KIAA2012: variants seen among roughly 807,000 people sequenced by gnomAD.
KIAA2012 encodes KIAA2012.
KIAA2012 carries 125 observed loss-of-function variants against 150.6 expected under a neutral mutation model. That is an observed-to-expected ratio of 0.83 (90% CI 0.72 to 0.96). KIAA2012 has a LOEUF of 0.96. KIAA2012 is among the 40% of genes least tolerant of loss of function. The pLI, the probability that KIAA2012 is intolerant of heterozygous loss-of-function variation, is 0.00. For synonymous variants in KIAA2012, 462 were observed against 504.7 expected (o/e 0.92, Z 1.13); for missense variants, 1,219 against 1,354.9 (o/e 0.90, Z 1.57).
intron 14 of KIAA2012, among the ~76,000 whole-genome samples, chr2:202,159,092 G>A (rs536404297): frequency 2.7e-3 from 404 of 152,308 alleles, no homozygotes; most frequent in African/African-American, 9.1e-3. Flanking sequence ...CAAGCATTAC[G>A]TATGTGGGCA....
In KIAA2012 at chr2:202,099,524, A is replaced by G. The variant is rs16838816; in HGVS notation, c.829-89A>G. The G allele has an allele frequency of 3.4e-3, 3,736 of 1,091,018 alleles. 11 individuals are homozygous for G. The highest frequency in any genetic ancestry group is 4.4e-3 in the Non-Finnish European group (3,457 of 781,514). 67.6% of individuals were successfully genotyped at this position (1,091,018 alleles called of 1,614,324 possible). A position where few individuals can be genotyped will look rare whatever the true frequency, so the allele number is the denominator to read the frequency against. ...CAAAAGAAATTTCATCCTTGAAACCATAAGCCTAGCCACAAGGGCTGTTAA... is the reference window on the plus strand; with the variant it reads ...CAAAAGAAATTTCATCCTTGAAACCGTAAGCCTAGCCACAAGGGCTGTTAA... On this transcript the variant is annotated intron_variant, in intron 5 of 23. Coordinates refer to ENST00000498697, the MANE Select transcript of KIAA2012 (RefSeq NM_001277372.4).
intron 13 of KIAA2012, among the ~76,000 whole-genome samples, chr2:202,146,371 G>A (rs564443044): frequency 5.3e-5 from 8 of 152,116 alleles, no homozygotes; most frequent in East Asian, 3.9e-4. Context: ...AGTGGCTCAC[G>A]CCTGTAATCC....
At chr2:202,097,652 G>A in intron 5 of KIAA2012, 75 bp downstream of exon 5, 1 of 1,493,162 alleles carries the variant, frequency 6.7e-7, no homozygotes, top group Non-Finnish European at 8.9e-7. Flanking sequence ...TGCAATGGCA[G>A]AATTTTGGCT....
intron 18 of KIAA2012, 87 bp from the exon 19 acceptor site, chr2:202,190,087 C>CAAA: frequency 1.1e-6 from 1 of 897,928 alleles, no homozygotes; most frequent in Non-Finnish European, 1.5e-6. Flanking sequence ...GACCCTGTCT[C>CAAA]AAAAAAAAAA....
At chr2:202,164,053 A>C (rs1395402205) in intron 14 of KIAA2012, among the ~76,000 whole-genome samples, 1 of 152,132 alleles carries the variant, frequency 6.6e-6, no homozygotes, top group Non-Finnish European at 1.5e-5. Context: ...AGCTTTGATA[A>C]CAAAGTGGAA....
chr2:202,145,754 G>A (rs1241582849), intron 13 of KIAA2012, among the ~76,000 whole-genome samples: 5 of 143,646 alleles, frequency 3.5e-5, no homozygotes, highest in Admixed American at 7.3e-5. Context: ...GTACAGTCTC[G>A]GCCCACTGCA....
At chr2:202,080,834 A>G (rs1689436124) in intron 2 of KIAA2012, among the ~76,000 whole-genome samples, 1 of 152,278 alleles carries the variant, frequency 6.6e-6, no homozygotes, top group Admixed American at 6.5e-5. Flanking sequence ...TTTTTATTGT[A>G]GCAAAATATA....
intron 15 of KIAA2012, among the ~76,000 whole-genome samples, chr2:202,178,460 T>C (rs187224496): frequency 6.6e-6 from 1 of 152,090 alleles, no homozygotes; most frequent in Admixed American, 6.6e-5. Flanking sequence ...ATCCCAAAAC[T>C]GGGAAGGTTT....
chr2:202,120,545 G>A (rs1690632952), intron 11 of KIAA2012, among the ~76,000 whole-genome samples: 1 of 152,112 alleles, frequency 6.6e-6, no homozygotes, highest in South Asian at 2.1e-4. Context: ...ACAGCTTCTA[G>A]TCCCTCTTAT....
At chr2:202,183,882 A>C (rs1692174209) in intron 15 of KIAA2012, among the ~76,000 whole-genome samples, 1 of 152,086 alleles carries the variant, frequency 6.6e-6, no homozygotes, top group Admixed American at 6.5e-5. Context: ...AATGTTATCT[A>C]TTATTTCCTT....
At chr2:202,174,233 G>A (rs1161622245) in intron 15 of KIAA2012, among the ~76,000 whole-genome samples, 1 of 152,166 alleles carries the variant, frequency 6.6e-6, no homozygotes, top group Non-Finnish European at 1.5e-5. Context: ...CCAAAGTGCT[G>A]GGATTACAGG....
intron 2 of KIAA2012, among the ~76,000 whole-genome samples, chr2:202,086,200 G>GAAAA (rs1223562164): frequency 7.5e-6 from 1 of 134,184 alleles, no homozygotes; most frequent in Non-Finnish European, 1.6e-5. Flanking sequence ...AGAAAGAAAA[G>GAAAA]AAAAAGAAAT....
At chr2:202,107,784 A>C (rs1434927292) in intron 9 of KIAA2012, among the ~76,000 whole-genome samples, 1 of 152,164 alleles carries the variant, frequency 6.6e-6, no homozygotes, top group African/African-American at 2.4e-5. Flanking sequence ...CCAAGGCGGC[A>C]GATCACCTGA....
rs531847304 is a variant in KIAA2012, at chr2:202,096,041, G to A, written c.686-1394G>A. ...GGAGGTTGCAGTGAGCCAAGATCATGCCACTGCACTCCAGCCTGGGCAACA... is the reference window on the plus strand; with the variant it reads ...GGAGGTTGCAGTGAGCCAAGATCATACCACTGCACTCCAGCCTGGGCAACA... On this transcript the variant is annotated intron_variant, in intron 4 of 23. Coordinates refer to ENST00000498697, the MANE Select transcript of KIAA2012 (RefSeq NM_001277372.4). Among the ~76,000 whole-genome samples the A allele has an allele frequency of 1.2e-3, 187 of 152,140 alleles. 1 individual carries two copies. Among genetic ancestry groups the A allele is most frequent in the African/African-American group, 4.0e-3 (167 of 41,514 alleles).
intron 2 of KIAA2012, among the ~76,000 whole-genome samples, chr2:202,087,058 C>A (rs7574133): frequency 0.49 from 74,091 of 151,926 alleles, 18,417 homozygotes; most frequent in African/African-American, 0.55. Context: ...ATCCTGCCCA[C>A]TACTTGTTTG....
intron 13 of KIAA2012, among the ~76,000 whole-genome samples, chr2:202,152,063 C>T (rs993168363): frequency 6.6e-6 from 1 of 152,182 alleles, no homozygotes; most frequent in Non-Finnish European, 1.5e-5. Context: ...CTGCACCGGA[C>T]CTAGCATGCG....
chr2:202,152,782 G>A (rs1691454420), intron 13 of KIAA2012, among the ~76,000 whole-genome samples: 1 of 152,174 alleles, frequency 6.6e-6, no homozygotes, highest in Admixed American at 6.5e-5. Flanking sequence ...GGGTGTGGGT[G>A]TTCATTGGAA....
rs1211422597 is a variant in KIAA2012 at position 202,073,655 on chromosome 2, G to A, written c.28G>A (p.Gly10Ser). The part of the protein sequence containing the change: MFTLSLLSR[G>S]HGKLGQDKQK... ...GTTCACGCTCTCCCTCCTGAGCCGG[G>A]GCCACGGGAAGCTGGGCCAGGACAA... Residue 10 changes from glycine (G) to serine (S), a missense_variant, in exon 1 of 24, where the codon GGC (glycine) becomes AGC (serine). Gly to Ser is a moderately conservative substitution (Grantham distance 56, BLOSUM62 0). Transcript: ENST00000498697. 6.5e-7 allele frequency: 1 copy of A among 1,550,354 alleles called. No individual in the cohort carries two copies. Among genetic ancestry groups the A allele is most frequent in the Non-Finnish European group, 8.7e-7 (1 of 1,146,918 alleles).
intron 12 of KIAA2012, among the ~76,000 whole-genome samples, chr2:202,132,802 A>ATATTTT (rs1473790947): frequency 0.052 from 4,909 of 94,376 alleles, 179 homozygotes; most frequent in South Asian, 0.17. Flanking sequence ...ATATATATAT[A>ATATTTT]TTTTTTTTTT....
Sources: gnomAD v4.1 joint callset for allele counts (sites outside exome capture counted in the v4.1 genomes callset) on GRCh38, gnomAD v4.1.1 for gene constraint, MANE v1.5 for transcripts, NCBI Gene and HGNC (gene_info 2026-07-23, HGNC 2026-07-21) for gene names.